DLGAP2: variants seen among roughly 807,000 people sequenced by gnomAD.
DLGAP2 encodes the protein DLG associated protein 2, also known as disks large-associated protein 2.
Under a neutral mutation model 100.3 loss-of-function variants are expected in DLGAP2, and 26 were observed. The ratio of observed to expected loss-of-function variants is 0.26; its 90% CI spans 0.19 to 0.36. The LOEUF (loss-of-function observed/expected upper bound fraction) is 0.36, where lower values mean the gene tolerates loss of function less well. Among genes scored for constraint, DLGAP2 ranks in the 10% least tolerant of loss-of-function variants. The pLI is 1.00. For synonymous variants in DLGAP2, 886 were observed against 630.1 expected (o/e 1.41, Z -6.08); for missense variants, 1,858 against 1,453.2 (o/e 1.28, Z -4.53).
At chr8:1,641,402 G>A (rs377095532) in intron 8 of DLGAP2, among the ~76,000 whole-genome samples, 23 of 152,244 alleles carry the variant, frequency 1.5e-4, no homozygotes, top group East Asian at 3.9e-4. Context: ...TCCTGTCTGC[G>A]TACTTAGACT....
At chr8:1,029,564 G>T (rs774598332) in intron 2 of DLGAP2, among the ~76,000 whole-genome samples, 3 of 131,560 alleles carry the variant, frequency 2.3e-5, no homozygotes, top group Non-Finnish European at 4.6e-5. Flanking sequence ...GTGCTGAGAG[G>T]TTTGGATGGG....
At chr8:1,228,480 C>G (rs1477885967) in intron 2 of DLGAP2, among the ~76,000 whole-genome samples, 1 of 152,140 alleles carries the variant, frequency 6.6e-6, no homozygotes, top group Non-Finnish European at 1.5e-5. Flanking sequence ...TTGTCTGATA[C>G]TAAAACCATA....
chr8:1,322,874 ATAAT>A (rs770101515), intron 3 of DLGAP2, among the ~76,000 whole-genome samples: 3 of 152,186 alleles, frequency 2.0e-5, no homozygotes, highest in Non-Finnish European at 4.4e-5. Context: ...GTCACAGTGC[ATAAT>A]TATTATAATC....
intron 2 of DLGAP2, among the ~76,000 whole-genome samples, chr8:1,174,774 C>G (rs915849465): frequency 1.3e-5 from 2 of 152,116 alleles, no homozygotes; most frequent in Admixed American, 6.6e-5. Context: ...TCATCATTGT[C>G]ATCATCACCA....
At chr8:781,778 C>G (rs1821693946) in intron 1 of DLGAP2, among the ~76,000 whole-genome samples, 1 of 152,206 alleles carries the variant, frequency 6.6e-6, no homozygotes, top group Non-Finnish European at 1.5e-5. Context: ...GGAACTACAA[C>G]TTCATTTCCT....
Position 1,702,781 on chromosome 8 carries a change from G to C in DLGAP2, c.*1375G>C, listed in dbSNP as rs1220145257. On this transcript the variant is annotated 3_prime_UTR_variant, in exon 15 of 15. Transcript: ENST00000637795. The stretch of plus-strand genomic sequence containing the variant: ...GTTCAGACCGGTCTTCAAAGGAAAA[G>C]CCTGTCCGATTTTTCCATGGGTTCC... The C allele has an allele frequency of 6.6e-6, 1 of 152,342 alleles. No homozygotes were observed. Among genetic ancestry groups the C allele is most frequent in the African/African-American group, 2.4e-5 (1 of 41,452 alleles). 9.4% of individuals were successfully genotyped at this position (152,342 alleles called of 1,614,324 possible).
intron 2 of DLGAP2, among the ~76,000 whole-genome samples, chr8:1,040,023 T>C (rs1302556441): frequency 6.8e-6 from 1 of 146,774 alleles, no homozygotes; most frequent in Admixed American, 6.7e-5. Flanking sequence ...TCGGTTTCCG[T>C]GGTCAGCTCG....
intron 3 of DLGAP2, among the ~76,000 whole-genome samples, chr8:1,314,099 T>A (rs1027295184): frequency 6.6e-6 from 1 of 152,240 alleles, no homozygotes; most frequent in African/African-American, 2.4e-5. Context: ...CTTAATTAGA[T>A]ATGTGAAATA....
intron 1 of DLGAP2, among the ~76,000 whole-genome samples, chr8:847,318 T>C (rs1413844844): frequency 2.0e-5 from 3 of 152,210 alleles, no homozygotes; most frequent in Admixed American, 1.3e-4. Flanking sequence ...TTTTTACTTA[T>C]GTTTCCCTTT....
chr8:1,420,912 T>C (rs1797071655), intron 3 of DLGAP2, among the ~76,000 whole-genome samples: 1 of 152,200 alleles, frequency 6.6e-6, no homozygotes, highest in Non-Finnish European at 1.5e-5. Context: ...CAAGGGTCTT[T>C]CTTTCTTGCA....
intron 3 of DLGAP2, among the ~76,000 whole-genome samples, chr8:1,378,652 C>T (rs931458983): frequency 6.6e-6 from 1 of 152,270 alleles, no homozygotes; most frequent in African/African-American, 2.4e-5. Flanking sequence ...TCTGTCCGTC[C>T]TGCACACATG....
chr8:955,730 A>T (rs752518797), intron 2 of DLGAP2, among the ~76,000 whole-genome samples: 13 of 152,198 alleles, frequency 8.5e-5, no homozygotes, highest in Non-Finnish European at 1.8e-4. Flanking sequence ...GTCTTACATG[A>T]ATTTTAAATA....
intron 1 of DLGAP2, among the ~76,000 whole-genome samples, chr8:879,366 G>A (rs6559198): frequency 0.37 from 56,257 of 152,094 alleles, 11,205 homozygotes; most frequent in African/African-American, 0.53. Context: ...GGAGCGTAGG[G>A]TTTACTTGAA....
chr8:1,042,730 A>G (rs62488509), intron 2 of DLGAP2, among the ~76,000 whole-genome samples: 91,377 of 91,586 alleles, frequency 1, 45,595 homozygotes, highest in Middle Eastern at 1. Flanking sequence ...GGTGGATGTG[A>G]GTGGTGGATG....
chr8:887,391 A>G (rs1797944145), intron 1 of DLGAP2, among the ~76,000 whole-genome samples: 1 of 152,176 alleles, frequency 6.6e-6, no homozygotes, highest in South Asian at 2.1e-4. Flanking sequence ...TAGTATTGTT[A>G]TGTATGAATT....
intron 2 of DLGAP2, among the ~76,000 whole-genome samples, chr8:1,013,709 T>A (rs1237727047): frequency 1.9e-5 from 1 of 53,868 alleles, no homozygotes; most frequent in Admixed American, 2.1e-4. Context: ...ATTGTGTGTA[T>A]GACCAGGACA....
Position 1,058,877 on chromosome 8 carries a change from G to A in DLGAP2, c.73+150911G>A, listed in dbSNP as rs929941285. Among the ~76,000 whole-genome samples the A allele has an allele frequency of 8.5e-5, 13 of 152,334 alleles. No homozygotes were observed. In the East Asian group the frequency reaches 1.9e-3, roughly 23 times the overall value. Reference sequence around the variant, plus strand: ...ACACCTGTGCGTGCTCGTTGCCCTTGATGGCCACACCCACCTGTGCCTACC... The same window carrying A: ...ACACCTGTGCGTGCTCGTTGCCCTTAATGGCCACACCCACCTGTGCCTACC... On this transcript the variant is annotated intron_variant, in intron 2 of 14. Transcript: ENST00000637795.
chr8:746,886 G>C (rs1820629653), intron 1 of DLGAP2, among the ~76,000 whole-genome samples: 1 of 152,224 alleles, frequency 6.6e-6, no homozygotes, highest in African/African-American at 2.4e-5. Context: ...GGCATGATGC[G>C]AGGACGGTGC....
chr8:1,194,302 G>A (rs1047205994), intron 2 of DLGAP2, among the ~76,000 whole-genome samples: 2 of 152,090 alleles, frequency 1.3e-5, no homozygotes, highest in Non-Finnish European at 2.9e-5. Context: ...ACAAGCAGAC[G>A]TTGGCAGTGC....
Sources: allele counts gnomAD v4.1 joint callset (sites outside exome capture counted in the v4.1 genomes callset), GRCh38; gene constraint gnomAD v4.1.1; transcripts MANE v1.5; gene names NCBI Gene and HGNC (gene_info 2026-07-23, HGNC 2026-07-21).